Variants in MACROD2 observed in about 807,000 individuals in gnomAD.
MACROD2 encodes the protein ADP-ribose glycohydrolase MACROD2.
In MACROD2, 36 loss-of-function variants were observed where a neutral mutation model predicts 70.4. That is an observed-to-expected ratio of 0.51 (90% CI 0.39 to 0.68). The LOEUF is 0.68. MACROD2 is among the 30% of genes least tolerant of loss of function. The pLI, the probability that MACROD2 is intolerant of heterozygous loss-of-function variation, is 0.00. For missense variants in MACROD2, 496 were observed against 538.4 expected (o/e 0.92, Z 0.78); for synonymous variants, 172 against 178.8 (o/e 0.96, Z 0.30).
chr20:15,186,192 T>C (rs1437272622), intron 5 of MACROD2, among the ~76,000 whole-genome samples: 1 of 152,170 alleles, frequency 6.6e-6, no homozygotes, highest in Non-Finnish European at 1.5e-5. Context: ...TTTGGGGGTA[T>C]CTGCTTTGGC....
intron 5 of MACROD2, among the ~76,000 whole-genome samples, chr20:14,815,747 ATATC>A (rs2072766589): frequency 6.6e-6 from 1 of 152,048 alleles, no homozygotes; most frequent in Non-Finnish European, 1.5e-5. Context: ...AGTAAATAAA[ATATC>A]TAACATAGTA....
At chr20:15,134,439 A>C (rs971775679) in intron 5 of MACROD2, among the ~76,000 whole-genome samples, 8 of 151,992 alleles carry the variant, frequency 5.3e-5, no homozygotes, top group African/African-American at 1.9e-4. Context: ...AACTACATGG[A>C]AACTGAACAA....
intron 8 of MACROD2, among the ~76,000 whole-genome samples, chr20:15,802,257 T>C (rs532100165): frequency 6.6e-6 from 1 of 152,164 alleles, no homozygotes; most frequent in African/African-American, 2.4e-5. Context: ...GTGGTGAAAG[T>C]CATCTTCCTA....
At position 14,920,650 on chromosome 20, in the gene MACROD2, C is replaced by G. The variant is rs566849154; in HGVS notation, c.418+235691C>G. On this transcript the variant is annotated intron_variant, in intron 5 of 17. Coordinates refer to ENST00000684519, the MANE Select transcript of MACROD2 (RefSeq NM_001351661.2). ...AAGTGTACAGGTGAAGAGTTACCTT[C>G]TAGTATAGACCTTAAGCATGTTATC... is the stretch of plus-strand genomic sequence containing the variant. Among the ~76,000 whole-genome samples the G allele has an allele frequency of 1.2e-4, 19 of 152,138 alleles. No homozygotes were observed. The East Asian group carries it at 3.7e-3, about 29-fold the overall frequency.
chr20:15,895,672 C>T (rs116581804), intron 10 of MACROD2, among the ~76,000 whole-genome samples: 218 of 152,260 alleles, frequency 1.4e-3, no homozygotes, highest in African/African-American at 4.9e-3. Context: ...GGACCACAGC[C>T]GCTTATAAAA....
intron 3 of MACROD2, among the ~76,000 whole-genome samples, chr20:14,219,638 C>G (rs150805237): frequency 6.6e-6 from 1 of 152,126 alleles, no homozygotes; most frequent in African/African-American, 2.4e-5. Flanking sequence ...TTTTCTGGTG[C>G]CTTCTCATTT....
intron 3 of MACROD2, among the ~76,000 whole-genome samples, chr20:14,144,081 A>G (rs1019675255): frequency 6.6e-6 from 1 of 152,028 alleles, no homozygotes; most frequent in Non-Finnish European, 1.5e-5. Flanking sequence ...GCCTAGATAG[A>G]TGTGAATGAT....
At position 15,876,167 on chromosome 20, in the gene MACROD2, A is replaced by G. The variant is rs190294415; in HGVS notation, c.728-9597A>G. 9.7e-4 allele frequency among the ~76,000 whole-genome samples: 141 copies of G among 145,684 alleles called. 2 individuals carry two copies. The East Asian group carries it at 0.014, about 14-fold the overall frequency. On this transcript the variant is annotated intron_variant, in intron 9 of 17. Coordinates refer to ENST00000684519, the MANE Select transcript of MACROD2 (RefSeq NM_001351661.2). Reference sequence around the variant, plus strand: ...TCTAGGGTACATGTGCACAAAGTGCAGGTTTGTTACATATGTATACATGTG... The same window carrying G: ...TCTAGGGTACATGTGCACAAAGTGCGGGTTTGTTACATATGTATACATGTG...
At chr20:16,003,710 G>A (rs1384040111) in intron 15 of MACROD2, among the ~76,000 whole-genome samples, 3 of 152,062 alleles carry the variant, frequency 2.0e-5, no homozygotes, top group Non-Finnish European at 2.9e-5. Flanking sequence ...TCACTCTGTC[G>A]CCCAGGCTGG....
intron 5 of MACROD2, among the ~76,000 whole-genome samples, chr20:15,100,557 G>A (rs1318822127): frequency 2.0e-5 from 3 of 152,140 alleles, no homozygotes; most frequent in African/African-American, 7.2e-5. Context: ...TACCACATAA[G>A]CAGAAAGTTA....
chr20:14,533,548 A>T (rs1185789139), intron 4 of MACROD2, among the ~76,000 whole-genome samples: 3 of 152,228 alleles, frequency 2.0e-5, no homozygotes, highest in Admixed American at 6.5e-5. Context: ...TTGAAAAAAG[A>T]AAAAGAGGAT....
intron 8 of MACROD2, among the ~76,000 whole-genome samples, chr20:15,672,775 C>T (rs909739749): frequency 1.3e-5 from 2 of 152,134 alleles, no homozygotes. Flanking sequence ...ATCTTGGCCA[C>T]TGATATGGTT....
intron 8 of MACROD2, among the ~76,000 whole-genome samples, chr20:15,858,237 A>G (rs535524527): frequency 2.0e-5 from 3 of 152,212 alleles, no homozygotes; most frequent in African/African-American, 7.2e-5. Context: ...AATGAATACA[A>G]TCTCTCAAGA....
At chr20:15,634,277 G>C (rs1007377297) in intron 8 of MACROD2, among the ~76,000 whole-genome samples, 1 of 152,058 alleles carries the variant, frequency 6.6e-6, no homozygotes, top group African/African-American at 2.4e-5. Flanking sequence ...AAGTTCATAG[G>C]GTGTGTTTCC....
chr20:15,479,124 T>C (rs2047060296), intron 7 of MACROD2, among the ~76,000 whole-genome samples: 1 of 152,194 alleles, frequency 6.6e-6, no homozygotes, highest in Non-Finnish European at 1.5e-5. Context: ...CAAATCCTTC[T>C]TGACATCTGA....
chr20:15,050,158 T>C lies in MACROD2; in HGVS notation c.419-179782T>C, dbSNP rs565597935. On this transcript the variant is annotated intron_variant, in intron 5 of 17. Transcript: ENST00000684519. ...TGTGCTCTAAAGCTCTTAACAATCA[T>C]ACAAAAGGAGCTTTTGATGATTCTC... Among the ~76,000 whole-genome samples the C allele has an allele frequency of 3.9e-5, 6 of 152,264 alleles. No individual in the cohort carries two copies. The East Asian group carries it at 9.7e-4, about 25-fold the overall frequency.
chr20:14,429,216 C>T (rs901808161), intron 3 of MACROD2, among the ~76,000 whole-genome samples: 15 of 152,216 alleles, frequency 9.9e-5, no homozygotes, highest in Admixed American at 1.3e-4. Context: ...AAGAAAGCCA[C>T]GGTGTTCCTA....
intron 12 of MACROD2, among the ~76,000 whole-genome samples, chr20:15,967,042 C>T (rs1473531272): frequency 6.6e-6 from 1 of 152,116 alleles, no homozygotes; most frequent in Non-Finnish European, 1.5e-5. Context: ...CTTGCAGAGA[C>T]CAGAAGGTCT....
At chr20:15,829,946 C>T (rs2064036479) in intron 8 of MACROD2, among the ~76,000 whole-genome samples, 1 of 152,184 alleles carries the variant, frequency 6.6e-6, no homozygotes, top group African/African-American at 2.4e-5. Context: ...AAAGACTTTG[C>T]AGACTCAAGG....
Sources: gnomAD v4.1 joint callset for allele counts (sites outside exome capture counted in the v4.1 genomes callset) on GRCh38, gnomAD v4.1.1 for gene constraint, MANE v1.5 for transcripts, NCBI Gene and HGNC (gene_info 2026-07-23, HGNC 2026-07-21) for gene names.